The following HAVCR2 variants were observed in gnomAD, a reference collection of about 807,000 sequenced individuals.
HAVCR2 encodes the protein hepatitis A virus cellular receptor 2.
In HAVCR2, 13 loss-of-function variants were observed where a neutral mutation model predicts 24.7. The ratio of observed to expected loss-of-function variants is 0.53; its 90% CI spans 0.34 to 0.84. The LOEUF (loss-of-function observed/expected upper bound fraction) is 0.84, where lower values mean the gene tolerates loss of function less well. Ranked by LOEUF, HAVCR2 falls within the 40% of genes least tolerant of loss-of-function variation. The probability of loss-of-function intolerance (pLI) is 0.01; values close to 1 mark genes in which losing one functional copy is unlikely to be tolerated. For missense variants in HAVCR2, 343 were observed against 371.2 expected (o/e 0.92, Z 0.62); for synonymous variants, 154 against 143.4 (o/e 1.07, Z -0.53).
chr5:157,088,031 C>T (rs1316046959), intron 6 of HAVCR2, among the ~76,000 whole-genome samples: 1 of 152,130 alleles, frequency 6.6e-6, no homozygotes, highest in South Asian at 2.1e-4. Context: ...AATCATGGCT[C>T]ATTGCAGCCT....
rs190211816 is a variant in HAVCR2 at position 157,097,661 on chromosome 5, G to A, written c.522+1197C>T. Among the ~76,000 whole-genome samples, 717 of 152,106 alleles carry A rather than the reference G, an allele frequency of 4.7e-3. 4 individuals are homozygous for A. The highest frequency in any genetic ancestry group is 7.0e-3 in the Admixed American group (107 of 15,268). ...GTTGCCCAGGCTGGTGTGCAGTGGCGCGACCTCAGCTCACTGCAACCTCCA... is the reference window on the plus strand; with the variant it reads ...GTTGCCCAGGCTGGTGTGCAGTGGCACGACCTCAGCTCACTGCAACCTCCA... On this transcript the variant is annotated intron_variant, in intron 4 of 6. Coordinates refer to ENST00000307851, the MANE Select transcript of HAVCR2 (RefSeq NM_032782.5).
chr5:157,095,856 A>G (rs1278116599), intron 4 of HAVCR2, among the ~76,000 whole-genome samples: 1 of 152,100 alleles, frequency 6.6e-6, no homozygotes, highest in Non-Finnish European at 1.5e-5. Flanking sequence ...GTGTCTTGCT[A>G]TGAAACGTCT....
chr5:157,108,925 C>T lies in HAVCR2; in HGVS notation c.58+1G>A, dbSNP rs1324875112. The stretch of plus-strand genomic sequence containing the variant: ...TTGTAAATATCCATGCCGAGACTTA[C>T]TTGTAAGTAGTAGCAGCAGCAGCAG... On this transcript the variant is annotated splice_donor_variant, in intron 1 of 6. Coordinates refer to ENST00000307851, the MANE Select transcript of HAVCR2 (RefSeq NM_032782.5). LOFTEE classifies it high-confidence loss of function. 1.2e-6 allele frequency: 2 copies of T among 1,613,976 alleles called. No homozygotes were observed. Among genetic ancestry groups the T allele is most frequent in the Non-Finnish European group, 1.7e-6 (2 of 1,179,876 alleles).
chr5:157,093,411 C>T (rs1336777267), intron 5 of HAVCR2, among the ~76,000 whole-genome samples: 1 of 152,120 alleles, frequency 6.6e-6, no homozygotes, highest in Non-Finnish European at 1.5e-5. Context: ...TTGGCAGCTT[C>T]AGTCCACAGT....
intron 1 of HAVCR2, among the ~76,000 whole-genome samples, chr5:157,107,675 T>C (rs1329468558): frequency 6.6e-6 from 1 of 152,174 alleles, no homozygotes; most frequent in African/African-American, 2.4e-5. Context: ...GATGAAAGGC[T>C]GCATACCTCC....
At chr5:157,106,194 G>C (rs942153149) in intron 2 of HAVCR2, 1 of 156,446 alleles carries the variant, frequency 6.4e-6, no homozygotes, top group Non-Finnish European at 1.4e-5. Flanking sequence ...ACAATGGCGA[G>C]ATCTTGGCTT....
chr5:157,098,395 G>A (rs368127719), intron 4 of HAVCR2, among the ~76,000 whole-genome samples: 4 of 145,524 alleles, frequency 2.7e-5, no homozygotes, highest in South Asian at 2.2e-4. Flanking sequence ...CAACAAGAGC[G>A]AAATTCTGTC....
At position 157,092,830 on chromosome 5, in the gene HAVCR2, G is replaced by C. The variant is rs185308665; in HGVS notation, c.676+2476C>G. Among the ~76,000 whole-genome samples the C allele has an allele frequency of 3.5e-3, 477 of 135,612 alleles. 2 individuals are homozygous for C. Among genetic ancestry groups the C allele is most frequent in the Admixed American group, 6.1e-3 (75 of 12,286 alleles). 89.0% of individuals were successfully genotyped at this position (135,612 alleles called of 152,430 possible). On this transcript the variant is annotated intron_variant, in intron 5 of 6. Coordinates refer to ENST00000307851, the MANE Select transcript of HAVCR2 (RefSeq NM_032782.5). ...AAGTAGGAGGATCACCTGAGCTCAG[G>C]AGATTGAGACCAATTTTCTGGGCAA... is the stretch of plus-strand genomic sequence containing the variant.
rs1757287444 is a variant in HAVCR2 at position 157,108,776 on chromosome 5, T to C, written c.58+150A>G. 5.3e-6 allele frequency: 3 copies of C among 567,418 alleles called. No homozygotes were observed. The Admixed American group carries it at 8.8e-5, about 17-fold the overall frequency. The allele number at this position is 567,418 out of a possible 1,614,324, so 35.1% of individuals were successfully genotyped here. On this transcript the variant is annotated intron_variant, in intron 1 of 6. Transcript: ENST00000307851. ...CTGTTTGTATCATGATTATATCACA[T>C]TTATTTACCCACTCCCTCATCGACG...
At chr5:157,090,142 T>TTTTTTTTTTTTTTTC in intron 5 of HAVCR2, among the ~76,000 whole-genome samples, 1 of 143,092 alleles carries the variant, frequency 7.0e-6, no homozygotes, top group South Asian at 2.3e-4. Flanking sequence ...TTTTTTTTTT[T>TTTTTTTTTTTTTTTC]TTTTTGAGAC....
rs919309672 is a variant in HAVCR2 at position 157,108,416 on chromosome 5, G to A, written c.58+510C>T. Among the ~76,000 whole-genome samples the A allele has an allele frequency of 5.3e-5, 8 of 152,016 alleles. No homozygotes were observed. The South Asian group carries it at 8.3e-4, about 16-fold the overall frequency. ...GGAGAATCACTTGAACCTGGGAGGCGGAGATTGCAGTGAGCCAAAATGGTG... is the reference window on the plus strand; with the variant it reads ...GGAGAATCACTTGAACCTGGGAGGCAGAGATTGCAGTGAGCCAAAATGGTG... On this transcript the variant is annotated intron_variant, in intron 1 of 6. Coordinates refer to ENST00000307851, the MANE Select transcript of HAVCR2 (RefSeq NM_032782.5).
intron 4 of HAVCR2, among the ~76,000 whole-genome samples, chr5:157,097,945 G>A (rs1581759261): frequency 6.6e-6 from 1 of 151,944 alleles, no homozygotes; most frequent in African/African-American, 2.4e-5. Flanking sequence ...GTAAAATTGA[G>A]GTTTATTAAG....
chr5:157,088,909 AC>A, intron 6 of HAVCR2, 31 bp downstream of exon 6: 1 of 1,591,322 alleles, frequency 6.3e-7, no homozygotes, highest in East Asian at 2.2e-5. Flanking sequence ...CAAGATTCTC[AC>A]CTTTTCCCAA....
intron 6 of HAVCR2, 69 bp downstream of exon 6, chr5:157,088,872 G>T: frequency 7.6e-7 from 1 of 1,319,418 alleles, no homozygotes; most frequent in Non-Finnish European, 1.1e-6. Flanking sequence ...TCAGAGAAAA[G>T]ATCAGACATG....
At chr5:157,105,299 G>C (rs1757231777) in intron 2 of HAVCR2, among the ~76,000 whole-genome samples, 1 of 152,090 alleles carries the variant, frequency 6.6e-6, no homozygotes, top group Non-Finnish European at 1.5e-5. Flanking sequence ...CCCGACCTCA[G>C]GTGATCCACC....
intron 4 of HAVCR2, among the ~76,000 whole-genome samples, chr5:157,098,297 C>G (rs1404484404): frequency 6.6e-6 from 1 of 151,940 alleles, no homozygotes; most frequent in African/African-American, 2.4e-5. Context: ...ATCCCAGCTA[C>G]TCGGAAGGCT....
chr5:157,095,238 A>G (rs1757077604), intron 5 of HAVCR2, 68 bp downstream of exon 5: 1 of 1,552,638 alleles, frequency 6.4e-7, no homozygotes, highest in Non-Finnish European at 8.8e-7. Flanking sequence ...TTGCATTTCT[A>G]TCTAGGTTTT....
intron 5 of HAVCR2, among the ~76,000 whole-genome samples, chr5:157,093,490 T>C (rs542085992): frequency 2.0e-5 from 3 of 152,246 alleles, no homozygotes; most frequent in African/African-American, 7.2e-5. Context: ...CCATATATCT[T>C]AGGAACACCC....
chr5:157,108,724 C>T (rs919278315), intron 1 of HAVCR2, among the ~76,000 whole-genome samples: 34 of 152,172 alleles, frequency 2.2e-4, no homozygotes, highest in Non-Finnish European at 1.5e-4. Flanking sequence ...TTGAGACATT[C>T]TATACCAGTA....
Sources: gnomAD v4.1 joint callset for allele counts (sites outside exome capture counted in the v4.1 genomes callset) on GRCh38, gnomAD v4.1.1 for gene constraint, MANE v1.5 for transcripts, NCBI Gene and HGNC (gene_info 2026-07-23, HGNC 2026-07-21) for gene names.